ABHD17C: variants seen among roughly 807,000 people sequenced by gnomAD.
ABHD17C encodes abhydrolase domain containing 17C, depalmitoylase.
A neutral mutation model predicts 27.9 loss-of-function variants in ABHD17C; 11 were observed. The ratio of observed to expected loss-of-function variants is 0.39; its 90% CI spans 0.25 to 0.65. The LOEUF is 0.65. Among genes scored for constraint, ABHD17C ranks in the 30% least tolerant of loss-of-function variants. The probability of loss-of-function intolerance (pLI) is 0.45; values close to 1 mark genes in which losing one functional copy is unlikely to be tolerated. For synonymous variants in ABHD17C, 233 were observed against 209.1 expected (o/e 1.11, Z -0.98); for missense variants, 280 against 470.2 (o/e 0.60, Z 3.74).
intron 1 of ABHD17C, among the ~76,000 whole-genome samples, chr15:80,714,218 A>C (rs1459199097): frequency 6.6e-6 from 1 of 152,188 alleles, no homozygotes; most frequent in Non-Finnish European, 1.5e-5. Flanking sequence ...GGCCTCCCAA[A>C]GTGCTAGGAT....
intron 1 of ABHD17C, chr15:80,702,571 T>G (rs1414021493): frequency 6.6e-6 from 1 of 152,208 alleles, no homozygotes; most frequent in African/African-American, 2.4e-5. Context: ...ATTCCCTACC[T>G]TATATTACTG....
At chr15:80,714,838 C>T (rs978113505) in intron 1 of ABHD17C, among the ~76,000 whole-genome samples, 1 of 152,138 alleles carries the variant, frequency 6.6e-6, no homozygotes, top group Non-Finnish European at 1.5e-5. Flanking sequence ...TTTTGGATTT[C>T]TTTTCTCAGA....
chr15:80,749,769 T>C, intron 2 of ABHD17C, 77 bp downstream of exon 2: 1 of 1,475,638 alleles, frequency 6.8e-7, no homozygotes, highest in Non-Finnish European at 9.3e-7. Context: ...TAAATATCTG[T>C]GTAAATATTT....
chr15:80,737,721 C>T (rs1252501625), intron 1 of ABHD17C, among the ~76,000 whole-genome samples: 1 of 152,042 alleles, frequency 6.6e-6, no homozygotes, highest in Non-Finnish European at 1.5e-5. Context: ...CGAGGTAGGA[C>T]CGGAATGGAC....
At chr15:80,706,429 G>A (rs1894650059) in intron 1 of ABHD17C, among the ~76,000 whole-genome samples, 1 of 152,158 alleles carries the variant, frequency 6.6e-6, no homozygotes, top group Non-Finnish European at 1.5e-5. Flanking sequence ...TGTTAACAGA[G>A]TACTGTTTAA....
At chr15:80,698,126 G>T (rs1346936543) in intron 1 of ABHD17C, among the ~76,000 whole-genome samples, 3 of 142,220 alleles carry the variant, frequency 2.1e-5, no homozygotes, top group Non-Finnish European at 4.5e-5. Flanking sequence ...GTGCAGTGGC[G>T]CCATCTTGGC....
rs1449226428 is a variant in ABHD17C, at chr15:80,695,503, G to A, written c.74G>A (p.Cys25Tyr). 1 of 1,385,840 alleles carries A rather than the reference G, an allele frequency of 7.2e-7. No individual in the cohort carries two copies. Among genetic ancestry groups the A allele is most frequent in the Admixed American group, 2.4e-5 (1 of 41,410 alleles). 85.8% of individuals were successfully genotyped at this position (1,385,840 alleles called of 1,614,324 possible). ...TGCTGGCTCTTCTGCTGCCCGCCCT[G>A]CCCGAGCCGCATCGCCGCCAAGCTG... ...ELCWLFCCPPCPSRIAAKLAF... is the reference protein window; with the variant it reads ...ELCWLFCCPPYPSRIAAKLAF... The change falls in exon 1 of 3, where the codon TGC (cysteine) becomes TAC (tyrosine). Residue 25 changes from cysteine to tyrosine, a missense_variant. Cys to Tyr is a radical substitution (Grantham distance 194). This residue lies in a region of ABHD17C where 74 missense variants were observed against 75.5 expected (regional missense o/e 0.98). Transcript: ENST00000258884. This position sits in a 1 kb window ranked among gnomAD's most constrained non-coding sequence, Gnocchi z 4.3.
chr15:80,751,451 GTAAT>G (rs1479506984), intron 2 of ABHD17C, among the ~76,000 whole-genome samples: 2 of 152,198 alleles, frequency 1.3e-5, no homozygotes, highest in African/African-American at 2.4e-5. Context: ...ATTAAGGTCG[GTAAT>G]TAGAGGACAG....
intron 1 of ABHD17C, among the ~76,000 whole-genome samples, chr15:80,708,001 G>A (rs531391725): frequency 7.9e-5 from 12 of 152,208 alleles, no homozygotes; most frequent in Non-Finnish European, 1.6e-4. Context: ...GGTTCCAGCT[G>A]CCTCTGGCTG....
intron 1 of ABHD17C, 91 bp downstream of exon 1, chr15:80,696,110 A>T: frequency 7.5e-7 from 1 of 1,331,666 alleles, no homozygotes; most frequent in Non-Finnish European, 1.0e-6. Context: ...CTGCCAGGAG[A>T]GGGGCCCCTC....
rs1895405393 is a variant in ABHD17C, at chr15:80,754,301, C to T, written c.921C>T (p.Asp307=). The T allele has an allele frequency of 1.2e-6, 2 of 1,613,954 alleles. No homozygotes were observed. The highest frequency in any genetic ancestry group is 1.7e-6 in the Non-Finnish European group (2 of 1,179,876). The change falls in exon 3 of 3, where the codon GAC becomes GAT. Residue 307 remains aspartate (D), a synonymous_variant. Coordinates refer to ENST00000258884, the MANE Select transcript of ABHD17C (RefSeq NM_021214.2). ...PLWVEGAGHN[D]IELYAQYLER... is the part of the protein sequence containing the mutation. ...GGGTTGAAGGGGCTGGGCATAATGA[C>T]ATAGAGCTTTATGCACAATACCTAG... is the stretch of plus-strand genomic sequence containing the variant.
chr15:80,733,621 C>T (rs911174296), intron 1 of ABHD17C, among the ~76,000 whole-genome samples: 2 of 152,174 alleles, frequency 1.3e-5, no homozygotes, highest in African/African-American at 4.8e-5. Context: ...CCAAGAACTT[C>T]CTGGCAAACA....
At chr15:80,705,333 T>TTTTTGTGTGTGTGTGTGTGTGTGTG (rs10523879) in intron 1 of ABHD17C, among the ~76,000 whole-genome samples, 3 of 106,820 alleles carry the variant, frequency 2.8e-5, no homozygotes, top group Non-Finnish European at 5.8e-5. Flanking sequence ...TTCCTATGAT[T>TTTTTGTGTGTGTGTGTGTGTGTGTG]TGTGTGTGTG....
intron 1 of ABHD17C, among the ~76,000 whole-genome samples, chr15:80,725,761 T>C (rs1466534220): frequency 6.6e-6 from 1 of 152,214 alleles, no homozygotes; most frequent in African/African-American, 2.4e-5. Context: ...CCTCCCACAT[T>C]GGCCTCCCAA....
At chr15:80,748,938 A>G (rs1895328694) in intron 1 of ABHD17C, among the ~76,000 whole-genome samples, 1 of 151,958 alleles carries the variant, frequency 6.6e-6, no homozygotes, top group Non-Finnish European at 1.5e-5. Flanking sequence ...TAACAATTTG[A>G]AGAGAATGGA....
chr15:80,726,406 CAG>C (rs1894976132), intron 1 of ABHD17C, among the ~76,000 whole-genome samples: 1 of 151,790 alleles, frequency 6.6e-6, no homozygotes, highest in Admixed American at 6.6e-5. Flanking sequence ...CTTCTTGACT[CAG>C]GAGTAGTTTA....
intron 1 of ABHD17C, among the ~76,000 whole-genome samples, chr15:80,730,509 C>T (rs1367778896): frequency 1.3e-5 from 2 of 152,228 alleles, no homozygotes; most frequent in Non-Finnish European, 2.9e-5. Flanking sequence ...ACTTCTGTAG[C>T]TGTTTGAGAC....
intron 1 of ABHD17C, among the ~76,000 whole-genome samples, chr15:80,748,497 A>G (rs1895321870): frequency 6.6e-6 from 1 of 151,862 alleles, no homozygotes; most frequent in South Asian, 2.1e-4. Context: ...CATGGATTTA[A>G]TTTGCATCTT....
intron 1 of ABHD17C, among the ~76,000 whole-genome samples, chr15:80,717,195 T>C (rs536901350): frequency 6.6e-6 from 1 of 152,022 alleles, no homozygotes; most frequent in South Asian, 2.1e-4. Flanking sequence ...CATGTTCTTG[T>C]TTTCCTTTAC....
Sources: allele counts gnomAD v4.1 joint callset (sites outside exome capture counted in the v4.1 genomes callset), GRCh38; gene constraint gnomAD v4.1.1; regional missense constraint gnomAD v4.1.1; non-coding constraint Gnocchi (gnomAD v3.1); transcripts MANE v1.5; gene names NCBI Gene and HGNC (gene_info 2026-07-23, HGNC 2026-07-21).